Variants in GLS observed in about 807,000 individuals in gnomAD.
GLS encodes the protein glutaminase kidney isoform, mitochondrial.
GLS carries 36 observed loss-of-function variants against 86.7 expected under a neutral mutation model. The observed-to-expected ratio is 0.42, with a 90% confidence interval of 0.32 to 0.55. GLS has a LOEUF of 0.55. Ranked by LOEUF, GLS falls within the 20% of genes least tolerant of loss-of-function variation. The pLI is 0.17. For missense variants in GLS, 528 were observed against 833.4 expected (o/e 0.63, Z 4.51); for synonymous variants, 317 against 305.9 (o/e 1.04, Z -0.38).
At position 190,895,972 on chromosome 2, in the gene GLS, G is replaced by A. The variant is rs1282186392; in HGVS notation, c.605+247G>A. On this transcript the variant is annotated intron_variant, in intron 3 of 17. Transcript: ENST00000320717. This position sits in a 1 kb window ranked among gnomAD's most constrained non-coding sequence, Gnocchi z 4.2. ...CGATGTTTCCAGTTTACAGTACTTGGAGATTGCATTCAGTTTGAGTAGAGC... is the reference window on the plus strand; with the variant it reads ...CGATGTTTCCAGTTTACAGTACTTGAAGATTGCATTCAGTTTGAGTAGAGC... The A allele has an allele frequency of 3.9e-6, 1 of 254,392 alleles. No homozygotes were observed. Among genetic ancestry groups the A allele is most frequent in the Admixed American group, 5.0e-5 (1 of 20,038 alleles). The allele number at this position is 254,392 out of a possible 1,614,324, so 15.8% of individuals were successfully genotyped here.
intron 6 of GLS, among the ~76,000 whole-genome samples, chr2:190,908,694 C>T (rs749942012): frequency 1.8e-4 from 28 of 152,150 alleles, no homozygotes; most frequent in Non-Finnish European, 3.7e-4. Flanking sequence ...GGTCTTAGGC[C>T]GAGGTTTTAT....
chr2:190,936,709 T>C (rs895052818), intron 14 of GLS, among the ~76,000 whole-genome samples: 1 of 151,266 alleles, frequency 6.6e-6, no homozygotes, highest in Non-Finnish European at 1.5e-5. Context: ...TAAAGCACTT[T>C]CCAAAATGTA....
intron 17 of GLS, among the ~76,000 whole-genome samples, chr2:190,961,861 T>C (rs1691010815): frequency 1.3e-5 from 2 of 152,086 alleles, no homozygotes; most frequent in South Asian, 4.2e-4. Flanking sequence ...AGGACAGAGA[T>C]GGAAAGGAAA....
At position 190,935,622 on chromosome 2, in the gene GLS, TTGTAG is replaced by T. The variant is rs1368163940; in HGVS notation, c.1650+3986_1650+3990del. On this transcript the variant is annotated intron_variant, in intron 14 of 17. Transcript: ENST00000320717. The surrounding 1 kb of genome is among the most constrained non-coding windows in gnomAD (Gnocchi z 4.2). ...AACTTTAAAAAAAGTGCAACCCTAT[TTGTAG>T]GTTATTTCTGCTTTCTGAGGAGGAA... 1.3e-5 allele frequency among the ~76,000 whole-genome samples: 2 copies of T among 151,314 alleles called. No homozygotes were observed. The highest frequency in any genetic ancestry group is 3.0e-5 in the Non-Finnish European group (2 of 67,350).
intron 9 of GLS, 25 bp from the exon 10 acceptor site, chr2:190,923,892 C>G: frequency 6.9e-7 from 1 of 1,441,690 alleles, no homozygotes; most frequent in East Asian, 2.3e-5. Flanking sequence ...GTACATAGAG[C>G]AAATGTTTTT....
rs73054732 is a variant in GLS, at chr2:190,945,227, T to A, written c.1651-8338T>A. Among the ~76,000 whole-genome samples, 1,082 of 152,222 alleles carry A rather than the reference T, an allele frequency of 7.1e-3. 15 individuals are homozygous for A. Among genetic ancestry groups the A allele is most frequent in the African/African-American group, 0.025 (1,031 of 41,536 alleles). On this transcript the variant is annotated intron_variant, in intron 14 of 17. Coordinates refer to ENST00000320717, the MANE Select transcript of GLS (RefSeq NM_014905.5). ...GGAGCACTTAGCTGAGTCGAGAGAG[T>A]AGGTGCTTCATATTAACTATTTTGT...
chr2:190,918,589 A>G (rs1451286118), intron 7 of GLS, among the ~76,000 whole-genome samples: 1 of 152,118 alleles, frequency 6.6e-6, no homozygotes, highest in African/African-American at 2.4e-5. Context: ...TGTTCATTGA[A>G]GTTCCATTTT....
At chr2:190,919,677 G>A in intron 7 of GLS, 1 of 860,046 alleles carries the variant, frequency 1.2e-6, no homozygotes, top group Non-Finnish European at 1.4e-6. Flanking sequence ...CAATGAAGTT[G>A]GTAATTTCTT....
chr2:190,890,456 A>G (rs1688522802), intron 1 of GLS, among the ~76,000 whole-genome samples: 1 of 152,222 alleles, frequency 6.6e-6, no homozygotes, highest in Non-Finnish European at 1.5e-5. Context: ...GTAAAGCCTT[A>G]AAAGATGTAA....
rs548113824 is a variant in GLS at position 190,935,334 on chromosome 2, C to A, written c.1650+3697C>A. ...TTGTTTTGTTTTGTTTTTATAAAAG[C>A]AACTTCAACATTTTAAGTACAAATA... On this transcript the variant is annotated intron_variant, in intron 14 of 17. Coordinates refer to ENST00000320717, the MANE Select transcript of GLS (RefSeq NM_014905.5). This position sits in a 1 kb window ranked among gnomAD's most constrained non-coding sequence, Gnocchi z 4.2. 1.5e-3 allele frequency: 370 copies of A among 239,598 alleles called. 2 individuals carry two copies. The highest frequency in any genetic ancestry group is 2.2e-3 in the Admixed American group (34 of 15,266). The allele number at this position is 239,598 out of a possible 1,614,324, so 14.8% of individuals were successfully genotyped here. A position where few individuals can be genotyped will look rare whatever the true frequency, so the allele number is the denominator to read the frequency against.
Position 190,957,914 on chromosome 2 carries a change from G to A in GLS, c.1853+3096G>A, listed in dbSNP as rs149621316. Among the ~76,000 whole-genome samples the A allele has an allele frequency of 1.8e-3, 281 of 152,218 alleles. 3 individuals are homozygous for A. The highest frequency in any genetic ancestry group is 6.9e-3 in the Middle Eastern group (2 of 290). On this transcript the variant is annotated intron_variant, in intron 17 of 17. Transcript: ENST00000320717. ...CAGGTTTTGGTATCAAGATGATGCT[G>A]GCCTCATAAAATGAGTTAGGGAGGA...
chr2:190,908,800 C>T (rs1197327193), intron 6 of GLS, among the ~76,000 whole-genome samples: 1 of 152,238 alleles, frequency 6.6e-6, no homozygotes, highest in Admixed American at 6.5e-5. Context: ...TGAGCAATTA[C>T]ATACATCTGA....
intron 7 of GLS, among the ~76,000 whole-genome samples, chr2:190,915,008 A>C (rs1049725766): frequency 6.6e-6 from 1 of 152,002 alleles, no homozygotes; most frequent in Non-Finnish European, 1.5e-5. Context: ...ATTTACAGAA[A>C]AATTTTATAA....
chr2:190,928,322 T>C (rs1689967980), intron 12 of GLS, among the ~76,000 whole-genome samples: 1 of 151,730 alleles, frequency 6.6e-6, no homozygotes, highest in African/African-American at 2.4e-5. Context: ...TGGATTATCT[T>C]GTAAATTATT....
chr2:190,923,531 A>G (rs545963485), intron 9 of GLS, among the ~76,000 whole-genome samples: 64 of 152,274 alleles, frequency 4.2e-4, no homozygotes, highest in African/African-American at 1.4e-3. Flanking sequence ...TGATTATGTC[A>G]AGTTCCCTGA....
chr2:190,921,769 T>A lies in GLS; in HGVS notation c.1130+566T>A, dbSNP rs543383965. Among the ~76,000 whole-genome samples, 3 of 152,038 alleles carry A rather than the reference T, an allele frequency of 2.0e-5. No individual in the cohort carries two copies. The highest frequency in any genetic ancestry group is 4.4e-5 in the Non-Finnish European group (3 of 67,906). ...CAGTCTAAGAATAAGGACATTCTCC[T>A]ACATAACCACAATACCATTAACACA... On this transcript the variant is annotated intron_variant, in intron 9 of 17. Transcript: ENST00000320717. This position sits in a 1 kb window ranked among gnomAD's most constrained non-coding sequence, Gnocchi z 4.2.
rs1342602993 is a variant in GLS, at chr2:190,962,688, CTAT to C, written c.1854-136_1854-134del. Reference sequence around the variant, plus strand: ...GAATTATAAATCCCTTTCTGCATTTCTATTATTAATTTTTATTTGTAAAATTGC... The same window carrying C: ...GAATTATAAATCCCTTTCTGCATTTCTATTAATTTTTATTTGTAAAATTGC... On this transcript the variant is annotated intron_variant, in intron 17 of 17. Coordinates refer to ENST00000320717, the MANE Select transcript of GLS (RefSeq NM_014905.5). This position sits in a 1 kb window ranked among gnomAD's most constrained non-coding sequence, Gnocchi z 4.2. 2.9e-5 allele frequency: 13 copies of C among 441,858 alleles called. No homozygotes were observed. The highest frequency in any genetic ancestry group is 7.2e-4 in the Middle Eastern group (2 of 2,764). The allele number at this position is 441,858 out of a possible 1,614,324, so 27.4% of individuals were successfully genotyped here.
At chr2:190,899,724 A>G (rs956379623) in intron 3 of GLS, among the ~76,000 whole-genome samples, 51 of 152,108 alleles carry the variant, frequency 3.4e-4, no homozygotes, top group Non-Finnish European at 1.2e-4. Context: ...TCCATTTGCA[A>G]AACGTTTTAA....
intron 11 of GLS, among the ~76,000 whole-genome samples, chr2:190,925,585 A>G (rs1689872051): frequency 6.6e-6 from 1 of 152,218 alleles, no homozygotes; most frequent in Non-Finnish European, 1.5e-5. Context: ...AGGAGGCTAC[A>G]TTATTGTTAA....
Sources: allele counts gnomAD v4.1 joint callset (sites outside exome capture counted in the v4.1 genomes callset), GRCh38; gene constraint gnomAD v4.1.1; non-coding constraint Gnocchi (gnomAD v3.1); transcripts MANE v1.5; gene names NCBI Gene and HGNC (gene_info 2026-07-23, HGNC 2026-07-21).